The following CNOT1 variants were observed in gnomAD, a reference collection of about 807,000 sequenced individuals.
CNOT1 encodes the protein CCR4-NOT transcription complex subunit 1.
Under a neutral mutation model 273.8 loss-of-function variants are expected in CNOT1, and 15 were observed. The ratio of observed to expected loss-of-function variants is 0.05; its 90% CI spans 0.04 to 0.08. The LOEUF (loss-of-function observed/expected upper bound fraction) is 0.08. Ranked by LOEUF, CNOT1 falls within the 10% of genes least tolerant of loss-of-function variation. CNOT1 has a pLI of 1.00. For synonymous variants in CNOT1, 1,022 were observed against 1,005.5 expected (o/e 1.02, Z -0.31); for missense variants, 1,644 against 2,912.2 (o/e 0.56, Z 10.02).
intron 29 of CNOT1, 131 bp from the exon 30 acceptor site, chr16:58,545,622 C>T (rs1324509364): frequency 6.9e-7 from 1 of 1,447,418 alleles, no homozygotes; most frequent in African/African-American, 1.4e-5. Context: ...AAGGATGTAG[C>T]AGGTCCTATT....
chr16:58,554,667 G>A (rs1432702760), intron 21 of CNOT1, among the ~76,000 whole-genome samples: 2 of 152,150 alleles, frequency 1.3e-5, no homozygotes, highest in African/African-American at 2.4e-5. Flanking sequence ...TGGGCCCAGT[G>A]GCTCACACCT....
intron 16 of CNOT1, among the ~76,000 whole-genome samples, chr16:58,570,511 T>A (rs763526214): frequency 2.0e-5 from 3 of 152,162 alleles, no homozygotes; most frequent in African/African-American, 4.8e-5. Context: ...TGGTGGCACA[T>A]GTTTGTGGTC....
intron 40 of CNOT1, 99 bp downstream of exon 40, chr16:58,534,048 C>G: frequency 8.4e-7 from 1 of 1,187,784 alleles, no homozygotes; most frequent in Non-Finnish European, 1.0e-6. Context: ...CAGAGTGAGA[C>G]TCTCTCAAAG....
At chr16:58,602,465 A>T (rs1597571115) in intron 1 of CNOT1, among the ~76,000 whole-genome samples, 1 of 143,158 alleles carries the variant, frequency 7.0e-6, no homozygotes, top group South Asian at 2.3e-4. Flanking sequence ...AGACAGGAGA[A>T]TTGCCTAAAC....
chr16:58,622,992 G>A (rs1454533374), intron 1 of CNOT1, among the ~76,000 whole-genome samples: 3 of 152,052 alleles, frequency 2.0e-5, no homozygotes, highest in Non-Finnish European at 4.4e-5. Flanking sequence ...GAGGTCAGGA[G>A]TTCGAGACCA....
At chr16:58,606,334 C>T (rs1054323559) in intron 1 of CNOT1, among the ~76,000 whole-genome samples, 1 of 152,004 alleles carries the variant, frequency 6.6e-6, no homozygotes, top group Admixed American at 6.6e-5. Flanking sequence ...GTAAAAAGAT[C>T]GCCTGAGCCC....
chr16:58,548,433 A>T (rs756396134), intron 25 of CNOT1: 8 of 471,076 alleles, frequency 1.7e-5, no homozygotes, highest in East Asian at 5.6e-5. Flanking sequence ...ACTTTGCTAC[A>T]GAGTATGTGG....
At chr16:58,615,009 G>C (rs1448855898) in intron 1 of CNOT1, among the ~76,000 whole-genome samples, 1 of 98,932 alleles carries the variant, frequency 1.0e-5, no homozygotes, top group East Asian at 2.1e-4. Context: ...CACTGGGCCT[G>C]TATCCTTTGC....
chr16:58,561,265 T>C (rs2040831688), intron 16 of CNOT1, among the ~76,000 whole-genome samples: 1 of 152,230 alleles, frequency 6.6e-6, no homozygotes, highest in Admixed American at 6.5e-5. Flanking sequence ...ACTAGAATTT[T>C]CTGAGTACTG....
Position 58,581,509 on chromosome 16 carries a change from T to C in CNOT1, c.1051A>G (p.Ser351Gly). 2 of 1,610,946 alleles carry C rather than the reference T, an allele frequency of 1.2e-6. No individual in the cohort carries two copies. The highest frequency in any genetic ancestry group is 2.2e-5 in the East Asian group (1 of 44,812). ...TAAGTTACTTCCTTGAAATTCAAAC[T>C]TGGATTCTAAAAAAGACCAAAGCAG... ...LIDVLKELNP[S>G]LNFKEVTYEL... The change falls in exon 11 of 49, where the codon AGT becomes GGT. Residue 351 changes from serine (S) to glycine (G), a missense_variant. Around this residue, in one of 13 missense-constraint regions of CNOT1, gnomAD observed 706 missense variants for 1,021.2 expected, o/e 0.69. Coordinates refer to ENST00000317147, the MANE Select transcript of CNOT1 (RefSeq NM_016284.5).
rs758995100 is a variant in CNOT1, at chr16:58,551,083, T to C, written c.3342+49A>G. ...AAAGGGCCAACTATACATCCTTTAG[T>C]CCATTAAGGAAAAAAGAAGGCATTT... On this transcript the variant is annotated intron_variant, in intron 24 of 48. Coordinates refer to ENST00000317147, the MANE Select transcript of CNOT1 (RefSeq NM_016284.5). The C allele has an allele frequency of 1.9e-6, 3 of 1,596,762 alleles. No individual in the cohort carries two copies. In the Admixed American group the frequency reaches 5.4e-5, roughly 29 times the overall value.
At position 58,558,626 on chromosome 16, in the gene CNOT1, C is replaced by T; in HGVS notation, c.2179G>A (p.Ala727Thr). The T allele has an allele frequency of 1.2e-6, 2 of 1,613,236 alleles. No individual in the cohort carries two copies. Among genetic ancestry groups the T allele is most frequent in the African/African-American group, 1.3e-5 (1 of 74,994 alleles). ...CCCTGCATACTCTGGGTGTGAGGGG[C>T]AGCTGAACCACCTATACTAAGAGAT... ...MTSLSIGGSA[A>T]PHTQSMQGFP... The change falls in exon 18 of 49, where the codon GCC becomes ACC. Residue 727 changes from alanine to threonine, a missense_variant. Around this residue, in one of 13 missense-constraint regions of CNOT1, gnomAD observed 706 missense variants for 1,021.2 expected, o/e 0.69. Transcript: ENST00000317147.
rs2040776592 is a variant in CNOT1 at position 58,560,035 on chromosome 16, GA to G, written c.2130+176del. On this transcript the variant is annotated intron_variant, in intron 17 of 48. Transcript: ENST00000317147. ...CTCTTAGAGTCACGTTCTATTTGAT[GA>G]TAAAATCTATTGTTAACTACAATGC... is the stretch of plus-strand genomic sequence containing the variant. 33 of 1,468,140 alleles carry G rather than the reference GA, an allele frequency of 2.2e-5. 1 individual carries two copies. In the South Asian group the frequency reaches 3.9e-4, roughly 17 times the overall value. 90.9% of individuals were successfully genotyped at this position (1,468,140 alleles called of 1,614,324 possible).
At chr16:58,589,023 A>T (rs2041965385) in intron 2 of CNOT1, 117 bp from the exon 3 acceptor site, 8 of 1,272,432 alleles carry the variant, frequency 6.3e-6, no homozygotes, top group Non-Finnish European at 8.5e-6. Flanking sequence ...TTAGTTACTC[A>T]TTTTTGAATT....
chr16:58,597,673 CA>C, intron 2 of CNOT1: 1 of 496,568 alleles, frequency 2.0e-6, no homozygotes, highest in South Asian at 1.5e-5. Context: ...AGGAACCATA[CA>C]AGGACTCTCC....
chr16:58,623,953 G>T (rs1169345485), intron 1 of CNOT1, among the ~76,000 whole-genome samples: 1 of 151,770 alleles, frequency 6.6e-6, no homozygotes, highest in African/African-American at 2.4e-5. Flanking sequence ...TCGTGCCACT[G>T]CACTCCAGCC....
At chr16:58,591,528 C>A (rs547216969) in intron 2 of CNOT1, among the ~76,000 whole-genome samples, 2 of 152,024 alleles carry the variant, frequency 1.3e-5, no homozygotes, top group East Asian at 3.9e-4. Context: ...CTGAACTGGG[C>A]GGATCACCTG....
In CNOT1 at chr16:58,560,200, G is replaced by A. The variant is rs747323041; in HGVS notation, c.2130+12C>T. Reference sequence around the variant, plus strand: ...GGCAAATGAAGATGTATCAAATGTAGCACTCATTTACCTGAACAGGAGAAA... The same window carrying A: ...GGCAAATGAAGATGTATCAAATGTAACACTCATTTACCTGAACAGGAGAAA... On this transcript the variant is annotated intron_variant, in intron 17 of 48. Transcript: ENST00000317147. 3 of 1,612,700 alleles carry A rather than the reference G, an allele frequency of 1.9e-6. No individual in the cohort carries two copies. In the East Asian group the frequency reaches 6.7e-5, roughly 36 times the overall value.
intron 2 of CNOT1, among the ~76,000 whole-genome samples, chr16:58,591,094 A>G (rs2042036541): frequency 6.6e-6 from 1 of 152,236 alleles, no homozygotes. Flanking sequence ...AACCATAGAT[A>G]CAGGTGAAGA....
Sources: allele counts gnomAD v4.1 joint callset (sites outside exome capture counted in the v4.1 genomes callset), GRCh38; gene constraint gnomAD v4.1.1; regional missense constraint gnomAD v4.1.1; transcripts MANE v1.5; gene names NCBI Gene and HGNC (gene_info 2026-07-23, HGNC 2026-07-21).